Variants in MACROD2 observed in about 807,000 individuals in gnomAD.
MACROD2 encodes the protein ADP-ribose glycohydrolase MACROD2.
Under a neutral mutation model 70.4 loss-of-function variants are expected in MACROD2, and 36 were observed. The ratio of observed to expected loss-of-function variants is 0.51; its 90% confidence interval spans 0.39 to 0.68. The LOEUF (loss-of-function observed/expected upper bound fraction) is 0.68. MACROD2 is among the 30% of genes least tolerant of loss of function. The pLI is 0.00. For missense variants in MACROD2, 496 were observed against 538.4 expected (o/e 0.92, Z 0.78); for synonymous variants, 172 against 178.8 (o/e 0.96, Z 0.30).
chr20:14,962,644 C>A (rs2074594930), intron 5 of MACROD2, among the ~76,000 whole-genome samples: 1 of 151,498 alleles, frequency 6.6e-6, no homozygotes, highest in Non-Finnish European at 1.5e-5. Context: ...TCCTCTTCCT[C>A]TTTTCTTCCT....
At chr20:15,658,179 T>A (rs1044600460) in intron 8 of MACROD2, among the ~76,000 whole-genome samples, 6 of 151,486 alleles carry the variant, frequency 4.0e-5, no homozygotes, top group African/African-American at 7.3e-5. Flanking sequence ...AACGCTTTTT[T>A]AAAAAATATA....
intron 5 of MACROD2, among the ~76,000 whole-genome samples, chr20:14,777,959 G>A (rs1348271710): frequency 6.6e-6 from 1 of 152,024 alleles, no homozygotes; most frequent in Non-Finnish European, 1.5e-5. Flanking sequence ...AAACCAGCAG[G>A]AAGAAGTAAA....
chr20:14,609,815 A>G (rs908439665), intron 4 of MACROD2, among the ~76,000 whole-genome samples: 13 of 152,110 alleles, frequency 8.5e-5, no homozygotes, highest in Non-Finnish European at 1.6e-4. Context: ...GTCTGGGGTC[A>G]TGGGCTGTGG....
At chr20:15,918,767 C>T (rs537084614) in intron 10 of MACROD2, among the ~76,000 whole-genome samples, 1 of 152,298 alleles carries the variant, frequency 6.6e-6, no homozygotes, top group South Asian at 2.1e-4. Context: ...GTAGTGTGCT[C>T]TATCATCCCT....
At chr20:14,862,588 AATATAT>A (rs1285949463) in intron 5 of MACROD2, among the ~76,000 whole-genome samples, 3 of 42,520 alleles carry the variant, frequency 7.1e-5, no homozygotes, top group Non-Finnish European at 4.0e-5. Flanking sequence ...TATATGTATA[AATATAT>A]ATATAAATAT....
At chr20:14,981,143 A>C (rs1169256430) in intron 5 of MACROD2, among the ~76,000 whole-genome samples, 3 of 151,784 alleles carry the variant, frequency 2.0e-5, no homozygotes, top group Admixed American at 2.0e-4. Context: ...AAAAACAAGG[A>C]TCCCCATCAT....
At chr20:15,800,297 C>T (rs76165352) in intron 8 of MACROD2, among the ~76,000 whole-genome samples, 3,419 of 150,454 alleles carry the variant, frequency 0.023, 64 homozygotes, top group Non-Finnish European at 0.036. Context: ...AATATGGTCC[C>T]ATTTGCCTAT....
intron 5 of MACROD2, among the ~76,000 whole-genome samples, chr20:15,010,335 C>T (rs2122931105): frequency 6.6e-6 from 1 of 152,284 alleles, no homozygotes; most frequent in South Asian, 2.1e-4. Flanking sequence ...CCTGCTAAGC[C>T]ACTTTTATCT....
intron 8 of MACROD2, among the ~76,000 whole-genome samples, chr20:15,787,549 TGA>T (rs1208838959): frequency 6.6e-6 from 1 of 152,144 alleles, no homozygotes; most frequent in Non-Finnish European, 1.5e-5. Context: ...CACTTGTAAG[TGA>T]GAACATGCAG....
intron 2 of MACROD2, among the ~76,000 whole-genome samples, chr20:14,064,706 C>A (rs1223405236): frequency 1.3e-5 from 2 of 152,192 alleles, no homozygotes; most frequent in Admixed American, 6.5e-5. Context: ...CCCTTTCAAT[C>A]CTACTTATTG....
chr20:15,793,140 C>T (rs908892038), intron 8 of MACROD2, among the ~76,000 whole-genome samples: 1 of 152,018 alleles, frequency 6.6e-6, no homozygotes, highest in South Asian at 2.1e-4. Context: ...TGTGTGCATG[C>T]GCATGTGTGT....
intron 8 of MACROD2, among the ~76,000 whole-genome samples, chr20:15,519,432 G>T (rs1332930819): frequency 6.6e-6 from 1 of 152,060 alleles, no homozygotes; most frequent in Non-Finnish European, 1.5e-5. Context: ...CCGTTTCTCT[G>T]TTTTTCTTAT....
chr20:14,535,927 T>C (rs931179445), intron 4 of MACROD2, among the ~76,000 whole-genome samples: 1 of 152,224 alleles, frequency 6.6e-6, no homozygotes, highest in Non-Finnish European at 1.5e-5. Flanking sequence ...TAATTCACTT[T>C]GTTTATGGAG....
chr20:15,051,752 C>CTT lies in MACROD2; in HGVS notation c.419-178172_419-178171dup, dbSNP rs547605196. Among the ~76,000 whole-genome samples, 577 of 136,948 alleles carry CTT rather than the reference C, an allele frequency of 4.2e-3. 4 individuals are homozygous for CTT. Among genetic ancestry groups the CTT allele is most frequent in the African/African-American group, 0.013 (488 of 36,182 alleles). The allele number at this position is 136,948 out of a possible 152,430, so 89.8% of individuals were successfully genotyped here. On this transcript the variant is annotated intron_variant, in intron 5 of 17. Coordinates refer to ENST00000684519, the MANE Select transcript of MACROD2 (RefSeq NM_001351661.2). The stretch of plus-strand genomic sequence containing the variant: ...CATACAACTAGCCATTATACCATCT[C>CTT]TTTTTTTTTTTTTTTTTGACGGAGT...
chr20:14,107,651 T>C (rs2054387843), intron 3 of MACROD2, among the ~76,000 whole-genome samples: 1 of 151,626 alleles, frequency 6.6e-6, no homozygotes, highest in Admixed American at 6.6e-5. Context: ...AAAAGAAACA[T>C]ATAACATAAA....
intron 3 of MACROD2, among the ~76,000 whole-genome samples, chr20:14,117,501 G>A (rs1191055977): frequency 6.6e-6 from 1 of 152,122 alleles, no homozygotes; most frequent in Non-Finnish European, 1.5e-5. Context: ...TGGTAGGCAG[G>A]TAGGCAGATA....
At chr20:14,198,684 C>G (rs1212275473) in intron 3 of MACROD2, among the ~76,000 whole-genome samples, 1 of 152,290 alleles carries the variant, frequency 6.6e-6, no homozygotes, top group South Asian at 2.1e-4. Flanking sequence ...TAATCAATCT[C>G]TCTCCCTTGC....
chr20:14,644,705 T>C (rs1659107279), intron 4 of MACROD2, among the ~76,000 whole-genome samples: 1 of 152,206 alleles, frequency 6.6e-6, no homozygotes, highest in African/African-American at 2.4e-5. Context: ...CTGATCGTAG[T>C]GTACATATGC....
chr20:14,867,271 G>A (rs1007459643), intron 5 of MACROD2, among the ~76,000 whole-genome samples: 3 of 152,098 alleles, frequency 2.0e-5, no homozygotes, highest in Admixed American at 6.6e-5. Context: ...ATTTGGGTGC[G>A]ATTCATATGA....
Sources: gnomAD v4.1 joint callset for allele counts (sites outside exome capture counted in the v4.1 genomes callset) on GRCh38, gnomAD v4.1.1 for gene constraint, MANE v1.5 for transcripts, NCBI Gene and HGNC (gene_info 2026-07-23, HGNC 2026-07-21) for gene names.